The following KDM7A variants were observed in gnomAD, a reference collection of about 807,000 sequenced individuals.
The protein encoded by KDM7A is lysine demethylase 7A.
In KDM7A, 28 loss-of-function variants were observed where a neutral mutation model predicts 114.8. The observed-to-expected ratio is 0.24, with a 90% CI of 0.18 to 0.33. KDM7A has a LOEUF of 0.33. Ranked by LOEUF, KDM7A falls within the 10% of genes least tolerant of loss-of-function variation. KDM7A has a pLI of 1.00. For synonymous variants in KDM7A, 423 were observed against 397.8 expected (o/e 1.06, Z -0.75); for missense variants, 942 against 1,142.5 (o/e 0.82, Z 2.53).
At chr7:140,099,336 A>AG (rs1818165204) in intron 13 of KDM7A, among the ~76,000 whole-genome samples, 1 of 152,208 alleles carries the variant, frequency 6.6e-6, no homozygotes, top group Non-Finnish European at 1.5e-5. Context: ...CCAGGACTAC[A>AG]GGCATGGCCA....
rs375565544 is a variant in KDM7A at position 140,102,054 on chromosome 7, C to T, written c.1535G>A (p.Arg512Lys). The change falls in exon 12 of 20, where the codon AGG becomes AAG. Residue 512 changes from arginine to lysine, a missense_variant. By Grantham distance (26) the Arg-to-Lys change is conservative. Coordinates refer to ENST00000397560, the MANE Select transcript of KDM7A (RefSeq NM_030647.2). Reference sequence around the variant, plus strand: ...TCGGACATTATGATCTCGAAGTTTCCTCATCTTTCTTCGGGAATGGTATGG... The same window carrying T: ...TCGGACATTATGATCTCGAAGTTTCTTCATCTTTCTTCGGGAATGGTATGG... ...TSPYHSRRKMRKLRDHNVRTP... is the reference protein window; with the variant it reads ...TSPYHSRRKMKKLRDHNVRTP... 3.2e-5 allele frequency: 51 copies of T among 1,613,650 alleles called. No homozygotes were observed. The highest frequency in any genetic ancestry group is 4.3e-5 in the Non-Finnish European group (51 of 1,179,716).
At position 140,136,444 on chromosome 7, in the gene KDM7A, G is replaced by A. The variant is rs77166739; in HGVS notation, c.280+2661C>T. Reference sequence around the variant, plus strand: ...CAGCTGATTGAATTTCTTAAAGGAAGGAGGTCAGTGAAGGAATATTTTAGT... The same window carrying A: ...CAGCTGATTGAATTTCTTAAAGGAAAGAGGTCAGTGAAGGAATATTTTAGT... On this transcript the variant is annotated intron_variant, in intron 2 of 19. Transcript: ENST00000397560. Among the ~76,000 whole-genome samples, 11 of 152,294 alleles carry A rather than the reference G, an allele frequency of 7.2e-5. No homozygotes were observed. The East Asian group carries it at 2.1e-3, about 29-fold the overall frequency.
chr7:140,171,319 A>C (rs1585171856), intron 1 of KDM7A, among the ~76,000 whole-genome samples: 1 of 145,296 alleles, frequency 6.9e-6, no homozygotes, highest in Admixed American at 7.0e-5. Flanking sequence ...AAAAAAAAAA[A>C]TTAGCTGGGC....
At chr7:140,114,412 T>C (rs1351892438) in intron 9 of KDM7A, among the ~76,000 whole-genome samples, 2 of 152,192 alleles carry the variant, frequency 1.3e-5, no homozygotes, top group Admixed American at 6.5e-5. Context: ...GCGAGTGATC[T>C]GCCAGCCTTG....
intron 1 of KDM7A, among the ~76,000 whole-genome samples, chr7:140,168,735 A>T (rs1238727418): frequency 1.3e-5 from 2 of 152,212 alleles, no homozygotes; most frequent in Non-Finnish European, 2.9e-5. Flanking sequence ...GGCAAAAAAG[A>T]AGTACTATAT....
At chr7:140,094,020 T>C (rs377069953) in intron 18 of KDM7A, 36 bp downstream of exon 18, 1 of 1,234,426 alleles carries the variant, frequency 8.1e-7, no homozygotes. Context: ...ATGATCATTT[T>C]AAATCTCCTT....
At chr7:140,123,851 C>T (rs578058965) in intron 7 of KDM7A, among the ~76,000 whole-genome samples, 7 of 152,148 alleles carry the variant, frequency 4.6e-5, no homozygotes, top group African/African-American at 7.2e-5. Context: ...GTGGGCGGAT[C>T]ACGAGGTCAG....
At chr7:140,145,195 G>T (rs1794327449) in intron 1 of KDM7A, among the ~76,000 whole-genome samples, 1 of 152,110 alleles carries the variant, frequency 6.6e-6, no homozygotes, top group African/African-American at 2.4e-5. Context: ...CAGACCCAGA[G>T]CAGGAAATTG....
In KDM7A at chr7:140,088,487, A is replaced by ATGT. The variant is rs1817969429; in HGVS notation, c.*2606_*2607insACA. 2.5e-6 allele frequency: 1 copy of ATGT among 398,256 alleles called. No homozygotes were observed. Among genetic ancestry groups the ATGT allele is most frequent in the African/African-American group, 2.1e-5 (1 of 48,598 alleles). The allele number at this position is 398,256 out of a possible 1,614,324, so 24.7% of individuals were successfully genotyped here. ...TGTCTTCCTAAGTTGCTGTGTCTGTATGGTATAAATGAGGTTCTCTATTAC... is the reference window on the plus strand; with the variant it reads ...TGTCTTCCTAAGTTGCTGTGTCTGTATGTTGGTATAAATGAGGTTCTCTATTAC... On this transcript the variant is annotated 3_prime_UTR_variant, in exon 20 of 20. Transcript: ENST00000397560.
rs1817906255 is a variant in KDM7A at position 140,085,226 on chromosome 7, AC to A, written c.*5867del. On this transcript the variant is annotated 3_prime_UTR_variant, in exon 20 of 20. Coordinates refer to ENST00000397560, the MANE Select transcript of KDM7A (RefSeq NM_030647.2). ...AGACGCTATTCCGCAGACACCCCCA[AC>A]AAGAAGAACAGTCCCCTCGGACCGT... 1 of 142,294 alleles carries A rather than the reference AC, an allele frequency of 7.0e-6. No homozygotes were observed. The highest frequency in any genetic ancestry group is 1.5e-5 in the Non-Finnish European group (1 of 64,944). 8.8% of individuals were successfully genotyped at this position (142,294 alleles called of 1,614,324 possible).
intron 1 of KDM7A, among the ~76,000 whole-genome samples, chr7:140,175,002 TTC>T (rs1794686250): frequency 6.6e-6 from 1 of 152,202 alleles, no homozygotes; most frequent in Non-Finnish European, 1.5e-5. Flanking sequence ...TCACCAGGGA[TTC>T]TGATTTTATT....
chr7:140,160,392 T>C (rs1338713569), intron 1 of KDM7A, among the ~76,000 whole-genome samples: 1 of 152,202 alleles, frequency 6.6e-6, no homozygotes, highest in Non-Finnish European at 1.5e-5. Context: ...TCTTTCTTTG[T>C]TCTGTCCTCT....
intron 12 of KDM7A, among the ~76,000 whole-genome samples, chr7:140,100,718 A>G (rs1475043417): frequency 0.017 from 626 of 37,452 alleles, 12 homozygotes; most frequent in African/African-American, 0.051. Flanking sequence ...ACACATATAT[A>G]TATATATATA....
At chr7:140,124,853 T>G (rs1489217442) in intron 6 of KDM7A, 70 bp from the exon 7 acceptor site, 1 of 856,194 alleles carries the variant, frequency 1.2e-6, no homozygotes, top group African/African-American at 1.7e-5. Flanking sequence ...ATTGATGCAA[T>G]TTCTCAATAC....
intron 1 of KDM7A, among the ~76,000 whole-genome samples, chr7:140,152,401 G>A (rs1361307736): frequency 6.6e-6 from 1 of 152,138 alleles, no homozygotes; most frequent in Non-Finnish European, 1.5e-5. Context: ...AAGGAGGATG[G>A]ATTGCTTGAG....
intron 1 of KDM7A, among the ~76,000 whole-genome samples, chr7:140,174,959 T>C (rs1034840016): frequency 6.9e-6 from 1 of 144,990 alleles, no homozygotes; most frequent in African/African-American, 2.4e-5. Context: ...TTTCAAAAAA[T>C]AGTTCTTTGA....
At chr7:140,169,395 T>C (rs1002626217) in intron 1 of KDM7A, among the ~76,000 whole-genome samples, 1 of 152,146 alleles carries the variant, frequency 6.6e-6, no homozygotes, top group African/African-American at 2.4e-5. Flanking sequence ...TTCTTACTCA[T>C]AAGCCTCCAC....
chr7:140,148,170 A>G (rs953522021), intron 1 of KDM7A, among the ~76,000 whole-genome samples: 6 of 151,770 alleles, frequency 4.0e-5, no homozygotes, highest in Admixed American at 6.6e-5. Context: ...TTTTTCTTCA[A>G]TAAGGTCTCT....
At chr7:140,133,820 G>A (rs1435329328) in intron 2 of KDM7A, among the ~76,000 whole-genome samples, 164 bp from the exon 3 acceptor site, 1 of 152,090 alleles carries the variant, frequency 6.6e-6, no homozygotes, top group Non-Finnish European at 1.5e-5. Context: ...TTAATGTAAT[G>A]CTGCAATTAC....
Sources: gnomAD v4.1 joint callset for allele counts (sites outside exome capture counted in the v4.1 genomes callset) on GRCh38, gnomAD v4.1.1 for gene constraint, MANE v1.5 for transcripts, NCBI Gene and HGNC (gene_info 2026-07-23, HGNC 2026-07-21) for gene names.